ATP6V1B2: variants seen among roughly 807,000 people sequenced by gnomAD.
The protein encoded by ATP6V1B2 is ATPase H+ transporting V1 subunit B2, also known as V-type proton ATPase subunit B, brain isoform.
In ATP6V1B2, 23 loss-of-function variants were observed where a neutral mutation model predicts 66.7. The observed-to-expected ratio is 0.34, with a 90% CI of 0.25 to 0.49. The LOEUF (loss-of-function observed/expected upper bound fraction) is 0.49, where lower values mean the gene tolerates loss of function less well. Ranked by LOEUF, ATP6V1B2 falls within the 20% of genes least tolerant of loss-of-function variation. The pLI is 0.99. For missense variants in ATP6V1B2, 478 were observed against 650.8 expected (o/e 0.73, Z 2.89); for synonymous variants, 278 against 236.7 (o/e 1.17, Z -1.60).
intron 13 of ATP6V1B2, among the ~76,000 whole-genome samples, chr8:20,219,401 A>AT (rs1339477034): frequency 6.6e-6 from 1 of 152,130 alleles, no homozygotes; most frequent in Non-Finnish European, 1.5e-5. Context: ...TACTAAAAAA[A>AT]CCTGTAGTGG....
At chr8:20,199,689 CA>C (rs1253653186) in intron 1 of ATP6V1B2, among the ~76,000 whole-genome samples, 1 of 143,342 alleles carries the variant, frequency 7.0e-6, no homozygotes, top group Admixed American at 7.4e-5. Context: ...AGGCTCGCTG[CA>C]ACCTCCGCCT....
chr8:20,201,163 A>C (rs1384384468), intron 1 of ATP6V1B2, among the ~76,000 whole-genome samples: 1 of 152,248 alleles, frequency 6.6e-6, no homozygotes, highest in Non-Finnish European at 1.5e-5. Flanking sequence ...AAATATGTTA[A>C]GAAGGTAATA....
At chr8:20,199,824 T>C (rs2072666678) in intron 1 of ATP6V1B2, among the ~76,000 whole-genome samples, 3 of 152,120 alleles carry the variant, frequency 2.0e-5, no homozygotes. Flanking sequence ...TTTCCCAGGC[T>C]GGTGGCGAAC....
chr8:20,206,109 A>G (rs565717178), intron 2 of ATP6V1B2, among the ~76,000 whole-genome samples: 22 of 152,352 alleles, frequency 1.4e-4, no homozygotes, highest in African/African-American at 5.3e-4. Context: ...CAAATCAAGT[A>G]CTTAGAAGAT....
Position 20,197,637 on chromosome 8 carries a change from T to A in ATP6V1B2, c.136+95T>A, listed in dbSNP as rs577296207. 3.7e-5 allele frequency: 47 copies of A among 1,272,046 alleles called. No individual in the cohort carries two copies. In the South Asian group the frequency reaches 1.3e-3, roughly 35 times the overall value. The allele number at this position is 1,272,046 out of a possible 1,614,324, so 78.8% of individuals were successfully genotyped here. ...CTTAGCCAGCGGGTAGGGGGTAGGA[T>A]TTGTTTTTCCCTCCCGCGTCTCCCC... is the stretch of plus-strand genomic sequence containing the variant. On this transcript the variant is annotated intron_variant, in intron 1 of 13. Coordinates refer to ENST00000276390, the MANE Select transcript of ATP6V1B2 (RefSeq NM_001693.4).
At chr8:20,201,214 C>T (rs1325280540) in intron 1 of ATP6V1B2, among the ~76,000 whole-genome samples, 1 of 151,990 alleles carries the variant, frequency 6.6e-6, no homozygotes, top group Non-Finnish European at 1.5e-5. Context: ...TCTGATTATC[C>T]CCCATTCACA....
chr8:20,218,397 G>A, intron 13 of ATP6V1B2, 115 bp downstream of exon 13: 1 of 1,370,022 alleles, frequency 7.3e-7, no homozygotes, highest in Non-Finnish European at 9.7e-7. Context: ...TCTGGTTAGA[G>A]AAGAGGCTCT....
intron 13 of ATP6V1B2, 106 bp downstream of exon 13, chr8:20,218,388 C>G (rs974841470): frequency 2.8e-6 from 4 of 1,439,204 alleles, no homozygotes; most frequent in South Asian, 1.4e-5. Flanking sequence ...AGTTATTTCT[C>G]TGGTTAGAGA....
Position 20,197,477 on chromosome 8 carries a change from C to T in ATP6V1B2, c.71C>T (p.Pro24Leu), listed in dbSNP as rs769442671. Residue 24 changes from proline to leucine, a missense_variant, in exon 1 of 14, where the codon CCG becomes CTG. By Grantham distance (98) the Pro-to-Leu change is moderately conservative (BLOSUM62 -3). This residue lies in a region of ATP6V1B2 where 152 missense variants were observed against 105.2 expected (regional missense o/e 1.44). Coordinates refer to ENST00000276390, the MANE Select transcript of ATP6V1B2 (RefSeq NM_001693.4). ...GAGCTACCCGTGCCCACCGGTGGGCCGGCGGTGGGAGCTCGGGAGCAGGCG... is the reference window on the plus strand; with the variant it reads ...GAGCTACCCGTGCCCACCGGTGGGCTGGCGGTGGGAGCTCGGGAGCAGGCG... ...APELPVPTGG[P>L]AVGAREQALA... is the part of the protein sequence containing the mutation. 1.3e-6 allele frequency: 2 copies of T among 1,516,274 alleles called. No individual in the cohort carries two copies. Among genetic ancestry groups the T allele is most frequent in the Non-Finnish European group, 1.8e-6 (2 of 1,133,524 alleles). The allele number at this position is 1,516,274 out of a possible 1,614,324, so 93.9% of individuals were successfully genotyped here.
At chr8:20,202,093 A>T (rs970779056) in intron 1 of ATP6V1B2, among the ~76,000 whole-genome samples, 1 of 152,188 alleles carries the variant, frequency 6.6e-6, no homozygotes, top group African/African-American at 2.4e-5. Context: ...ATTGGGGATG[A>T]AGTTTATTGC....
chr8:20,210,094 ATATATT>A (rs1168443956), intron 3 of ATP6V1B2, among the ~76,000 whole-genome samples: 1 of 148,188 alleles, frequency 6.7e-6, no homozygotes, highest in Non-Finnish European at 1.5e-5. Context: ...ATATATATTT[ATATATT>A]TATATTTATG....
At chr8:20,210,108 A>G (rs548362510) in intron 3 of ATP6V1B2, among the ~76,000 whole-genome samples, 1 of 148,820 alleles carries the variant, frequency 6.7e-6, no homozygotes, top group Non-Finnish European at 1.5e-5. Context: ...ATTTATATTT[A>G]TGTATGTGTA....
chr8:20,199,759 CG>C, intron 1 of ATP6V1B2, among the ~76,000 whole-genome samples: 1 of 151,810 alleles, frequency 6.6e-6, no homozygotes. Context: ...TACGGGCGCA[CG>C]CCGCCATGCC....
chr8:20,218,082 A>C, intron 12 of ATP6V1B2, 71 bp from the exon 13 acceptor site: 4 of 1,571,516 alleles, frequency 2.5e-6, no homozygotes, highest in Non-Finnish European at 3.4e-6. Context: ...AGAGCAGTAC[A>C]TTCCTATATC....
At chr8:20,200,377 C>G (rs1413356966) in intron 1 of ATP6V1B2, among the ~76,000 whole-genome samples, 1 of 152,144 alleles carries the variant, frequency 6.6e-6, no homozygotes, top group Non-Finnish European at 1.5e-5. Flanking sequence ...CACTGCCTAG[C>G]ACAGTGCCTG....
chr8:20,218,610 T>C (rs191169748), intron 13 of ATP6V1B2, among the ~76,000 whole-genome samples: 286 of 152,316 alleles, frequency 1.9e-3, no homozygotes, highest in Non-Finnish European at 3.5e-3. Flanking sequence ...AATGATCTGC[T>C]TTGACATTTG....
intron 2 of ATP6V1B2, among the ~76,000 whole-genome samples, chr8:20,205,217 T>C (rs1307733469): frequency 6.6e-6 from 1 of 152,178 alleles, no homozygotes; most frequent in African/African-American, 2.4e-5. Flanking sequence ...TCTATATTCT[T>C]TGTGAAATAA....
intron 13 of ATP6V1B2, among the ~76,000 whole-genome samples, chr8:20,218,866 C>T (rs1390201630): frequency 6.6e-6 from 1 of 152,154 alleles, no homozygotes; most frequent in Admixed American, 6.6e-5. Flanking sequence ...ACCATCCCCT[C>T]AGGCTCAGTG....
At chr8:20,218,127 C>T in intron 12 of ATP6V1B2, 26 bp from the exon 13 acceptor site, 1 of 1,609,190 alleles carries the variant, frequency 6.2e-7, no homozygotes, top group Non-Finnish European at 8.5e-7. Context: ...CTTCTCTCTG[C>T]TGATGGGTGC....
Sources: allele counts gnomAD v4.1 joint callset (sites outside exome capture counted in the v4.1 genomes callset), GRCh38; gene constraint gnomAD v4.1.1; regional missense constraint gnomAD v4.1.1; transcripts MANE v1.5; gene names NCBI Gene and HGNC (gene_info 2026-07-23, HGNC 2026-07-21).